ATP1A2: variants seen among roughly 807,000 people sequenced by gnomAD.
The protein encoded by ATP1A2 is ATPase Na+/K+ transporting subunit alpha 2.
Under a neutral mutation model 113.1 loss-of-function variants are expected in ATP1A2, and 56 were observed. The observed-to-expected ratio is 0.49, with a 90% CI of 0.40 to 0.62. The LOEUF (loss-of-function observed/expected upper bound fraction) is 0.62, where lower values mean the gene tolerates loss of function less well. Ranked by LOEUF, ATP1A2 falls within the 20% of genes least tolerant of loss-of-function variation. ATP1A2 has a pLI of 0.00. For missense variants in ATP1A2, 712 were observed against 1,357.8 expected (o/e 0.52, Z 7.47); for synonymous variants, 490 against 526.8 (o/e 0.93, Z 0.96).
intron 1 of ATP1A2, among the ~76,000 whole-genome samples, chr1:160,119,042 G>A (rs145769721): frequency 3.3e-5 from 5 of 151,960 alleles, no homozygotes; most frequent in East Asian, 1.9e-4. Flanking sequence ...GGCTTTGGAC[G>A]ATAAAGATGT....
chr1:160,118,304 C>T (rs1651255020), intron 1 of ATP1A2, among the ~76,000 whole-genome samples: 1 of 152,150 alleles, frequency 6.6e-6, no homozygotes, highest in Non-Finnish European at 1.5e-5. Flanking sequence ...GCCCACAGAC[C>T]CAGCCCTGCT....
intron 13 of ATP1A2, among the ~76,000 whole-genome samples, chr1:160,133,181 A>G (rs1238461682): frequency 6.6e-6 from 1 of 152,014 alleles, no homozygotes; most frequent in Non-Finnish European, 1.5e-5. Context: ...ACAGGAATGG[A>G]GGAGTATGTG....
intron 22 of ATP1A2, chr1:160,140,846 C>CTTTTTTTTTTTTTTTTT (rs1045304439): frequency 2.3e-5 from 2 of 86,904 alleles, no homozygotes; most frequent in Admixed American, 1.5e-4. Flanking sequence ...CTTTCACCTT[C>CTTTTTTTTTTTTTTTTT]TTTTTTTTTT....
chr1:160,124,511 A>C, intron 6 of ATP1A2, 81 bp downstream of exon 6: 1 of 1,548,178 alleles, frequency 6.5e-7, no homozygotes, highest in Non-Finnish European at 8.7e-7. Flanking sequence ...AGTGAGGTTT[A>C]AAGGTGGAGA....
Position 160,123,656 on chromosome 1 carries a change from C to T in ATP1A2, c.381+240C>T, listed in dbSNP as rs548634348. 2.6e-5 allele frequency among the ~76,000 whole-genome samples: 4 copies of T among 152,382 alleles called. No homozygotes were observed. In the East Asian group the frequency reaches 5.8e-4, roughly 22 times the overall value. On this transcript the variant is annotated intron_variant, in intron 4 of 22. Transcript: ENST00000361216. ...GAAACAATCTCTCCCTGTTCCTCCC[C>T]GCTTAAGTGAGCCTGTCTGTGTGCC...
intron 3 of ATP1A2, 51 bp from the exon 4 acceptor site, chr1:160,123,162 G>A: frequency 6.2e-7 from 1 of 1,601,644 alleles, no homozygotes; most frequent in South Asian, 1.1e-5. Flanking sequence ...CATGGTGACT[G>A]GCTGGGTTGG....
intron 1 of ATP1A2, among the ~76,000 whole-genome samples, chr1:160,117,169 G>A (rs1553243704): frequency 6.6e-6 from 1 of 152,104 alleles, no homozygotes; most frequent in Non-Finnish European, 1.5e-5. Context: ...TGGGCTTCAC[G>A]GAGGAAGAGG....
At chr1:160,126,663 G>C (rs1333231403) in intron 7 of ATP1A2, among the ~76,000 whole-genome samples, 2 of 151,932 alleles carry the variant, frequency 1.3e-5, no homozygotes, top group Non-Finnish European at 2.9e-5. Context: ...TAGAGATGGG[G>C]TCTCACTATG....
intron 7 of ATP1A2, among the ~76,000 whole-genome samples, chr1:160,126,028 T>C (rs1489973728): frequency 2.6e-5 from 4 of 152,138 alleles, no homozygotes; most frequent in Admixed American, 2.0e-4. Flanking sequence ...GGAGGCCTCA[T>C]ATCCCAATCC....
chr1:160,135,373 G>A lies in ATP1A2; in HGVS notation c.2116-61G>A, dbSNP rs1426969604. ...CAGGGCCAAGACAAGCATGGAGTGA[G>A]AGGCGAGGAGCCAGGCTTGGGAAGG... is the stretch of plus-strand genomic sequence containing the variant. On this transcript the variant is annotated intron_variant, in intron 15 of 22. Transcript: ENST00000361216. This position sits in a 1 kb window ranked among gnomAD's most constrained non-coding sequence, Gnocchi z 6.3. 1.4e-5 allele frequency: 22 copies of A among 1,614,092 alleles called. No homozygotes were observed. Among genetic ancestry groups the A allele is most frequent in the Non-Finnish European group, 1.8e-5 (21 of 1,180,048 alleles).
In ATP1A2 at chr1:160,124,065, G is replaced by A. The variant is rs1057522630; in HGVS notation, c.495+9G>A. On this transcript the variant is annotated intron_variant, in intron 5 of 22. Transcript: ENST00000361216. ...AGAACATGGTACCTCAGGTAAGATG[G>A]CAGGGCTGGGCTCTGGGCTAGGCTG... The A allele has an allele frequency of 6.2e-7, 1 of 1,613,414 alleles. No homozygotes were observed. The highest frequency in any genetic ancestry group is 8.5e-7 in the Non-Finnish European group (1 of 1,179,462).
At position 160,135,629 on chromosome 1, in the gene ATP1A2, G is replaced by C. The variant is rs764761512; in HGVS notation, c.2284+27G>C. ...TGAGGAGGCTGCATGGGTTGGGATGGTTTGCAGGATACTGAAGCCGGCACC... is the reference window on the plus strand; with the variant it reads ...TGAGGAGGCTGCATGGGTTGGGATGCTTTGCAGGATACTGAAGCCGGCACC... On this transcript the variant is annotated intron_variant, in intron 16 of 22. Coordinates refer to ENST00000361216, the MANE Select transcript of ATP1A2 (RefSeq NM_000702.4). This position sits in a 1 kb window ranked among gnomAD's most constrained non-coding sequence, Gnocchi z 6.3. 2 of 1,612,962 alleles carry C rather than the reference G, an allele frequency of 1.2e-6. No homozygotes were observed. The highest frequency in any genetic ancestry group is 2.2e-5 in the South Asian group (2 of 91,018).
Position 160,124,285 on chromosome 1 carries a change from G to T in ATP1A2, c.496-11G>T, listed in dbSNP as rs1287709502. On this transcript the variant is annotated splice_polypyrimidine_tract_variant and intron_variant, in intron 5 of 22. Coordinates refer to ENST00000361216, the MANE Select transcript of ATP1A2 (RefSeq NM_000702.4). Reference sequence around the variant, plus strand: ...ACAAGCATTTCATGAGCTGCCTGTGGCTCCCCACAGCAAGCCCTTGTGATC... The same window carrying T: ...ACAAGCATTTCATGAGCTGCCTGTGTCTCCCCACAGCAAGCCCTTGTGATC... 6.3e-7 allele frequency: 1 copy of T among 1,593,884 alleles called. No homozygotes were observed. The highest frequency in any genetic ancestry group is 8.5e-7 in the Non-Finnish European group (1 of 1,170,288).
intron 1 of ATP1A2, among the ~76,000 whole-genome samples, 181 bp downstream of exon 1, chr1:160,116,054 C>T (rs958699725): frequency 6.6e-6 from 1 of 152,124 alleles, no homozygotes; most frequent in Non-Finnish European, 1.5e-5. Context: ...CGGTCACATA[C>T]CCTAGTGCTC....
rs373523004 is a variant in ATP1A2 at position 160,143,395 on chromosome 1, A to G, written c.*2073A>G. ...TAGAGGTGGCATGTTTAGTCTACCA[A>G]AAACAATACTTTTCAGGCACTTTAG... is the stretch of plus-strand genomic sequence containing the variant. On this transcript the variant is annotated 3_prime_UTR_variant, in exon 23 of 23. Transcript: ENST00000361216. 7.3e-4 allele frequency: 112 copies of G among 152,776 alleles called. No homozygotes were observed. Among genetic ancestry groups the G allele is most frequent in the African/African-American group, 2.5e-3 (103 of 41,572 alleles). 9.5% of individuals were successfully genotyped at this position (152,776 alleles called of 1,614,324 possible). A position where few individuals can be genotyped will look rare whatever the true frequency, so the allele number is the denominator to read the frequency against.
intron 20 of ATP1A2, among the ~76,000 whole-genome samples, chr1:160,138,320 A>G (rs1255864074): frequency 1.3e-5 from 2 of 152,282 alleles, no homozygotes; most frequent in African/African-American, 2.4e-5. Flanking sequence ...CCAAGAGCGC[A>G]TATCATGACG....
At chr1:160,136,164 C>G in intron 17 of ATP1A2, 83 bp from the exon 18 acceptor site, 1 of 1,605,696 alleles carries the variant, frequency 6.2e-7, no homozygotes, top group South Asian at 1.1e-5. Context: ...TGTCAACGAT[C>G]GTCACTGTCG....
chr1:160,128,480 CATG>C (rs1651655722), intron 8 of ATP1A2, 169 bp from the exon 9 acceptor site: 2 of 1,531,758 alleles, frequency 1.3e-6, no homozygotes, highest in Non-Finnish European at 1.8e-6. Context: ...AACAGATACT[CATG>C]ATCTCAACAC....
Position 160,130,444 on chromosome 1 carries a change from A to G in ATP1A2, c.1674A>G (p.Pro558=), listed in dbSNP as rs769798147. The G allele has an allele frequency of 7.4e-6, 12 of 1,614,094 alleles. No homozygotes were observed. Among genetic ancestry groups the G allele is most frequent in the Non-Finnish European group, 9.3e-6 (11 of 1,180,032 alleles). Reference sequence around the variant, plus strand: ...TAGGATTCTGTCAACTGAATCTGCCATCTGGAAAGTTTCCTCGGGGCTTCA... The same window carrying G: ...TAGGATTCTGTCAACTGAATCTGCCGTCTGGAAAGTTTCCTCGGGGCTTCA... ...RVLGFCQLNL[P]SGKFPRGFKF... Residue 558 remains proline (P), a synonymous_variant, in exon 13 of 23, where the codon CCA becomes CCG. Coordinates refer to ENST00000361216, the MANE Select transcript of ATP1A2 (RefSeq NM_000702.4).
Sources: allele counts gnomAD v4.1 joint callset (sites outside exome capture counted in the v4.1 genomes callset), GRCh38; gene constraint gnomAD v4.1.1; non-coding constraint Gnocchi (gnomAD v3.1); transcripts MANE v1.5; gene names NCBI Gene and HGNC (gene_info 2026-07-23, HGNC 2026-07-21).